The following MEGF11 variants were observed in gnomAD, a reference collection of about 807,000 sequenced individuals.
The protein encoded by MEGF11 is multiple epidermal growth factor-like domains protein 11.
In MEGF11, 126 loss-of-function variants were observed where a neutral mutation model predicts 146.6. The observed-to-expected ratio is 0.86, with a 90% CI of 0.74 to 1.00. MEGF11 has a LOEUF of 1.00. MEGF11 is among the 50% of genes least tolerant of loss of function. The probability of loss-of-function intolerance (pLI) is 0.00; values close to 1 mark genes in which losing one functional copy is unlikely to be tolerated. For missense variants in MEGF11, 1,509 were observed against 1,521.2 expected (o/e 0.99, Z 0.13); for synonymous variants, 532 against 583.4 (o/e 0.91, Z 1.27).
intron 10 of MEGF11, among the ~76,000 whole-genome samples, chr15:65,938,306 A>C (rs947918590): frequency 3.3e-5 from 5 of 152,262 alleles, no homozygotes; most frequent in African/African-American, 1.2e-4. Flanking sequence ...TTTGGAACTC[A>C]GATCTCCTAG....
intron 5 of MEGF11, among the ~76,000 whole-genome samples, chr15:66,049,865 C>T (rs1472522652): frequency 3.3e-5 from 5 of 152,216 alleles, no homozygotes; most frequent in South Asian, 2.1e-4. Context: ...CCAATAGTCA[C>T]GGCGTCTAGC....
chr15:65,935,608 A>C (rs189611522), intron 10 of MEGF11, among the ~76,000 whole-genome samples: 1 of 152,200 alleles, frequency 6.6e-6, no homozygotes, highest in Non-Finnish European at 1.5e-5. Flanking sequence ...AGAAGAGAAG[A>C]AACTCTTTGT....
intron 1 of MEGF11, among the ~76,000 whole-genome samples, chr15:66,142,548 G>C (rs370532060): frequency 9.2e-5 from 14 of 152,236 alleles, no homozygotes; most frequent in Admixed American, 5.2e-4. Flanking sequence ...GTGAGTAAGC[G>C]TGGGAAGAGT....
intron 1 of MEGF11, among the ~76,000 whole-genome samples, chr15:66,247,583 G>A (rs564135413): frequency 1.6e-4 from 24 of 152,254 alleles, no homozygotes; most frequent in African/African-American, 5.5e-4. Flanking sequence ...AATCAAGGTT[G>A]TTCTAGGCCA....
chr15:65,945,087 G>A (rs1043997213), intron 10 of MEGF11, among the ~76,000 whole-genome samples: 1 of 152,078 alleles, frequency 6.6e-6, no homozygotes, highest in East Asian at 1.9e-4. Flanking sequence ...GTAGAGGTGG[G>A]GTTTCACCAC....
chr15:65,957,531 G>A lies in MEGF11; in HGVS notation c.1287+16C>T. On this transcript the variant is annotated intron_variant, in intron 10 of 25. Coordinates refer to ENST00000395614, the MANE Select transcript of MEGF11 (RefSeq NM_001385028.1). ...GTGGAGGTCAGGAAGGCCACGGGAG[G>A]CCCCTCCCATCTTACCATGAAGCCC... is the stretch of plus-strand genomic sequence containing the variant. 1 of 1,609,806 alleles carries A rather than the reference G, an allele frequency of 6.2e-7. No homozygotes were observed. The highest frequency in any genetic ancestry group is 8.5e-7 in the Non-Finnish European group (1 of 1,178,166).
At chr15:65,899,960 G>C (rs182246769) in intron 24 of MEGF11, among the ~76,000 whole-genome samples, 7 of 152,236 alleles carry the variant, frequency 4.6e-5, no homozygotes, top group African/African-American at 1.7e-4. Flanking sequence ...TTAGTGACTG[G>C]GAGTTACGGA....
intron 1 of MEGF11, among the ~76,000 whole-genome samples, chr15:66,157,943 A>G (rs552493992): frequency 1.2e-4 from 19 of 152,310 alleles, no homozygotes; most frequent in Admixed American, 1.2e-3. Context: ...TGAGGTGGTA[A>G]TAGGAACACA....
At chr15:66,233,943 TTC>T (rs1444549775) in intron 1 of MEGF11, among the ~76,000 whole-genome samples, 1 of 116,240 alleles carries the variant, frequency 8.6e-6, no homozygotes, top group Non-Finnish European at 1.7e-5. Context: ...CTTTTTTTTT[TTC>T]TTTTTCTTTT....
At chr15:66,002,634 G>A (rs1768540762) in intron 5 of MEGF11, among the ~76,000 whole-genome samples, 1 of 152,246 alleles carries the variant, frequency 6.6e-6, no homozygotes, top group African/African-American at 2.4e-5. Flanking sequence ...AATGATAATA[G>A]CATTGACATG....
At chr15:66,077,730 G>T (rs2085652803) in intron 5 of MEGF11, among the ~76,000 whole-genome samples, 2 of 152,222 alleles carry the variant, frequency 1.3e-5, no homozygotes, top group African/African-American at 2.4e-5. Context: ...AACCAAAACT[G>T]CCCAGGGTGG....
intron 1 of MEGF11, among the ~76,000 whole-genome samples, chr15:66,134,834 A>G (rs1320513401): frequency 6.6e-6 from 1 of 152,250 alleles, no homozygotes; most frequent in Non-Finnish European, 1.5e-5. Flanking sequence ...ACTGGTGCCG[A>G]GAAAAACCTG....
At chr15:66,187,073 A>T (rs2141174029) in intron 1 of MEGF11, among the ~76,000 whole-genome samples, 1 of 152,354 alleles carries the variant, frequency 6.6e-6, no homozygotes, top group South Asian at 2.1e-4. Context: ...GGAAGGATGA[A>T]CTAAGATGAA....
chr15:65,898,873 AG>A lies in MEGF11; in HGVS notation c.3116del (p.Pro1039LeufsTer21). 1 of 1,613,980 alleles carries A rather than the reference AG, an allele frequency of 6.2e-7. No individual in the cohort carries two copies. Among genetic ancestry groups the A allele is most frequent in the Non-Finnish European group, 8.5e-7 (1 of 1,179,852 alleles). On this transcript the variant is annotated frameshift_variant, in exon 25 of 26. Transcript: ENST00000395614. LOFTEE classifies it high-confidence loss of function. ...TGGGTGGGTCCTTAATTGTGGCGTA[AG>A]GGTTTTCACTGCTATTCAAGGAACA... ...STCSLNSSEN[P>X]YATIKDPPIL...
chr15:65,970,093 T>G (rs2081253520), intron 8 of MEGF11, among the ~76,000 whole-genome samples: 1 of 152,184 alleles, frequency 6.6e-6, no homozygotes, highest in Non-Finnish European at 1.5e-5. Context: ...GCACCGTCCT[T>G]CAGTCTGCTC....
chr15:66,029,708 C>T (rs2083452877), intron 5 of MEGF11, among the ~76,000 whole-genome samples: 1 of 152,214 alleles, frequency 6.6e-6, no homozygotes, highest in African/African-American at 2.4e-5. Flanking sequence ...TTACCTCTGT[C>T]CTGGGAGCTG....
chr15:66,111,801 TAG>T (rs1269607597), intron 4 of MEGF11, among the ~76,000 whole-genome samples: 3 of 152,216 alleles, frequency 2.0e-5, no homozygotes, highest in Non-Finnish European at 4.4e-5. Flanking sequence ...GGTGATTAGA[TAG>T]AGGTGATATT....
rs1345690328 is a variant in MEGF11 at position 65,943,820 on chromosome 15, A to G, written c.1288-12877T>C. ...TTTGAGCATGGTACGGGTCAAAGTCAGGGAGGGGTGGCTTGGATCTATAGG... is the reference window on the plus strand; with the variant it reads ...TTTGAGCATGGTACGGGTCAAAGTCGGGGAGGGGTGGCTTGGATCTATAGG... On this transcript the variant is annotated intron_variant, in intron 10 of 25. Transcript: ENST00000395614. 2.6e-5 allele frequency among the ~76,000 whole-genome samples: 4 copies of G among 152,170 alleles called. No individual in the cohort carries two copies. The East Asian group carries it at 7.7e-4, about 29-fold the overall frequency.
chr15:65,973,117 CA>C (rs59330024), intron 7 of MEGF11, among the ~76,000 whole-genome samples: 95,654 of 130,434 alleles, frequency 0.73, 34,543 homozygotes, highest in Middle Eastern at 0.85. Context: ...AACTCTGTCT[CA>C]AAAAAAAAAA....
Sources: gnomAD v4.1 joint callset for allele counts (sites outside exome capture counted in the v4.1 genomes callset) on GRCh38, gnomAD v4.1.1 for gene constraint, MANE v1.5 for transcripts, NCBI Gene and HGNC (gene_info 2026-07-23, HGNC 2026-07-21) for gene names.